GRM5: variants seen among roughly 807,000 people sequenced by gnomAD.
GRM5 encodes the protein metabotropic glutamate receptor 5.
Under a neutral mutation model 83.1 loss-of-function variants are expected in GRM5, and 19 were observed. That is an observed-to-expected ratio of 0.23 (90% CI 0.16 to 0.34). The LOEUF (loss-of-function observed/expected upper bound fraction) is 0.34. GRM5 is among the 10% of genes least tolerant of loss of function. GRM5 has a pLI of 1.00. For missense variants in GRM5, 1,160 were observed against 1,588.3 expected (o/e 0.73, Z 4.58); for synonymous variants, 675 against 633.6 (o/e 1.07, Z -0.98).
intron 3 of GRM5, among the ~76,000 whole-genome samples, chr11:88,680,118 A>C (rs1940440609): frequency 1.3e-5 from 2 of 152,164 alleles, no homozygotes; most frequent in African/African-American, 4.8e-5. Flanking sequence ...TCTAGGGTAC[A>C]TGTGCACAAC....
chr11:88,612,174 G>C (rs1165635928), intron 4 of GRM5, among the ~76,000 whole-genome samples: 1 of 141,296 alleles, frequency 7.1e-6, no homozygotes, highest in Non-Finnish European at 1.5e-5. Context: ...GTGTCCATGT[G>C]ATCTCTTTGT....
chr11:88,980,684 G>T (rs7946260), intron 2 of GRM5, among the ~76,000 whole-genome samples: 1 of 151,782 alleles, frequency 6.6e-6, no homozygotes, highest in East Asian at 1.9e-4. Flanking sequence ...TTAGTCGGGC[G>T]TGGTGGCAGG....
chr11:88,829,323 C>T (rs1315810231), intron 3 of GRM5, among the ~76,000 whole-genome samples: 2 of 151,890 alleles, frequency 1.3e-5, no homozygotes, highest in East Asian at 1.9e-4. Flanking sequence ...TGGTGGGTCG[C>T]GGAAGCACAT....
chr11:88,663,921 C>A (rs571266011), intron 3 of GRM5, among the ~76,000 whole-genome samples: 8 of 152,252 alleles, frequency 5.3e-5, no homozygotes, highest in African/African-American at 1.4e-4. Context: ...CCTCACCTCC[C>A]AGTTTGTTTT....
At chr11:88,818,604 G>T (rs1943730187) in intron 3 of GRM5, among the ~76,000 whole-genome samples, 1 of 151,922 alleles carries the variant, frequency 6.6e-6, no homozygotes, top group Non-Finnish European at 1.5e-5. Flanking sequence ...TTATTGCTTT[G>T]CAAGTGATAG....
chr11:88,649,814 A>T (rs1017799742), intron 4 of GRM5, among the ~76,000 whole-genome samples: 1 of 151,814 alleles, frequency 6.6e-6, no homozygotes, highest in East Asian at 1.9e-4. Flanking sequence ...AATACTAAAG[A>T]AATTTCCTCG....
At chr11:88,881,777 G>GA (rs906997814) in intron 2 of GRM5, among the ~76,000 whole-genome samples, 57 of 151,144 alleles carry the variant, frequency 3.8e-4, no homozygotes, top group African/African-American at 9.5e-4. Context: ...ACACAAAACA[G>GA]AAAAAAAAAT....
chr11:89,060,815 T>C (rs917261154), intron 1 of GRM5, among the ~76,000 whole-genome samples: 1 of 152,186 alleles, frequency 6.6e-6, no homozygotes, highest in Non-Finnish European at 1.5e-5. Flanking sequence ...TTACAAATAA[T>C]TGAAAATTCA....
At chr11:88,828,949 T>C (rs1943938640) in intron 3 of GRM5, among the ~76,000 whole-genome samples, 1 of 152,000 alleles carries the variant, frequency 6.6e-6, no homozygotes, top group African/African-American at 2.4e-5. Context: ...AGGAATTAAA[T>C]GTCTTCTCTT....
chr11:88,915,694 A>G (rs1945578325), intron 2 of GRM5, among the ~76,000 whole-genome samples: 1 of 152,134 alleles, frequency 6.6e-6, no homozygotes, highest in Admixed American at 6.5e-5. Context: ...CCATTTCTTC[A>G]GTTCTTAGGA....
chr11:88,966,722 A>G (rs754853274), intron 2 of GRM5, among the ~76,000 whole-genome samples: 1 of 152,132 alleles, frequency 6.6e-6, no homozygotes, highest in African/African-American at 2.4e-5. Flanking sequence ...ATGGACTTCA[A>G]TGGACTTTCA....
At chr11:88,556,438 T>A (rs1329118540) in intron 8 of GRM5, among the ~76,000 whole-genome samples, 2 of 151,544 alleles carry the variant, frequency 1.3e-5, no homozygotes, top group African/African-American at 4.9e-5. Flanking sequence ...TTCTCCTGCC[T>A]CAGTCTCCCA....
chr11:89,039,136 G>A (rs1241286992), intron 2 of GRM5, among the ~76,000 whole-genome samples: 3 of 151,854 alleles, frequency 2.0e-5, no homozygotes, highest in South Asian at 4.2e-4. Flanking sequence ...ACGGTGGCAC[G>A]CACCTGTAAT....
chr11:88,970,836 A>G (rs1267800922), intron 2 of GRM5, among the ~76,000 whole-genome samples: 1 of 152,186 alleles, frequency 6.6e-6, no homozygotes, highest in Non-Finnish European at 1.5e-5. Context: ...GGGCCCAGCT[A>G]TGAGCCAGCA....
intron 3 of GRM5, among the ~76,000 whole-genome samples, chr11:88,696,617 G>A (rs551506758): frequency 6.6e-6 from 1 of 152,276 alleles, no homozygotes; most frequent in African/African-American, 2.4e-5. Flanking sequence ...CCTGGATTCC[G>A]ACATTTGATA....
intron 8 of GRM5, among the ~76,000 whole-genome samples, chr11:88,551,755 G>A (rs186695500): frequency 1.6e-4 from 25 of 152,208 alleles, no homozygotes; most frequent in Admixed American, 4.6e-4. Context: ...TTCTTACAGG[G>A]TTATTGTAAG....
At chr11:88,877,933 C>T (rs1254824480) in intron 2 of GRM5, among the ~76,000 whole-genome samples, 2 of 151,836 alleles carry the variant, frequency 1.3e-5, no homozygotes, top group Admixed American at 6.6e-5. Context: ...TGCAGCGCAC[C>T]AGCATGGCAC....
intron 4 of GRM5, among the ~76,000 whole-genome samples, chr11:88,631,199 T>G (rs901581810): frequency 3.9e-5 from 6 of 152,214 alleles, no homozygotes; most frequent in Non-Finnish European, 8.8e-5. Context: ...TAGCTTTTTA[T>G]AATATCTTAG....
chr11:89,011,098 A>G (rs145648560), intron 2 of GRM5, among the ~76,000 whole-genome samples: 2,964 of 152,342 alleles, frequency 0.019, 89 homozygotes, highest in African/African-American at 0.066. Context: ...ATGAGTTAGA[A>G]TCTGCTAACC....
Sources: allele counts gnomAD v4.1 joint callset (sites outside exome capture counted in the v4.1 genomes callset), GRCh38; gene constraint gnomAD v4.1.1; transcripts MANE v1.5; gene names NCBI Gene and HGNC (gene_info 2026-07-23, HGNC 2026-07-21).